SACS: variants seen among roughly 807,000 people sequenced by gnomAD.
SACS encodes the protein sacsin.
In SACS, 197 loss-of-function variants were observed where a neutral mutation model predicts 348.0. That is an observed-to-expected ratio of 0.57 (90% CI 0.50 to 0.64). The LOEUF (loss-of-function observed/expected upper bound fraction) is 0.64. Among genes scored for constraint, SACS ranks in the 30% least tolerant of loss-of-function variants. SACS has a pLI of 0.00. For synonymous variants in SACS, 1,985 were observed against 1,910.6 expected (o/e 1.04, Z -1.02); for missense variants, 4,999 against 5,360.8 (o/e 0.93, Z 2.11).
intron 2 of SACS, among the ~76,000 whole-genome samples, chr13:23,378,537 T>C (rs1871910404): frequency 6.6e-6 from 1 of 152,068 alleles, no homozygotes; most frequent in Non-Finnish European, 1.5e-5. Context: ...GCATCCTGGG[T>C]TCAAGCAATT....
rs1555249276 is a variant in SACS at position 23,330,600 on chromosome 13, G to A, written c.13276C>T (p.Gln4426Ter). Residue 4426 changes from glutamine to a stop codon, truncating the protein, a stop_gained, in exon 10 of 10, where the codon CAG becomes TAG. Coordinates refer to ENST00000382292, the MANE Select transcript of SACS (RefSeq NM_014363.6). LOFTEE classifies it high-confidence loss of function. ...NKEKCPPSAG[Q>*]TYSQRFFVPP... ...ACAAAGAACCTTTGAGAGTAAGTCTGTCCGGCTGAAGGGGGGCATTTTTCT... is the reference window on the plus strand; with the variant it reads ...ACAAAGAACCTTTGAGAGTAAGTCTATCCGGCTGAAGGGGGGCATTTTTCT... 1 of 1,613,980 alleles carries A rather than the reference G, an allele frequency of 6.2e-7. No homozygotes were observed. Among genetic ancestry groups the A allele is most frequent in the South Asian group, 1.1e-5 (1 of 91,060 alleles).
intron 1 of SACS, among the ~76,000 whole-genome samples, chr13:23,424,422 G>C (rs1405051748): frequency 6.6e-6 from 1 of 152,180 alleles, no homozygotes; most frequent in Admixed American, 6.5e-5. Flanking sequence ...CTACTTGGGA[G>C]GCTGAGGCAG....
rs201945147 is a variant in SACS, at chr13:23,330,633, G to T, written c.13243C>A (p.Gln4415Lys). Residue 4415 changes from glutamine (Q) to lysine (K), a missense_variant, in exon 10 of 10, where the codon CAG (glutamine) becomes AAG (lysine). This residue lies in a region of SACS where 254 missense variants were observed against 275.1 expected (regional missense o/e 0.92). Transcript: ENST00000382292. Reference sequence around the variant, plus strand: ...GAAGGGGGGCATTTTTCTTTGTTCTGTTGCTGTCTTTCAGATTTATGGCTC... The same window carrying T: ...GAAGGGGGGCATTTTTCTTTGTTCTTTTGCTGTCTTTCAGATTTATGGCTC... Reference protein sequence around the residue: ...ATSHKSERQQQNKEKCPPSAG... With the variant: ...ATSHKSERQQKNKEKCPPSAG... The T allele has an allele frequency of 6.2e-7, 1 of 1,614,030 alleles. No individual in the cohort carries two copies. Among genetic ancestry groups the T allele is most frequent in the African/African-American group, 1.3e-5 (1 of 75,036 alleles).
intron 9 of SACS, among the ~76,000 whole-genome samples, chr13:23,352,971 G>A (rs1438242262): frequency 3.3e-5 from 5 of 152,118 alleles, no homozygotes; most frequent in Non-Finnish European, 7.4e-5. Flanking sequence ...CAAGAAAAAA[G>A]TACATTCCAT....
chr13:23,341,444 C>T lies in SACS; in HGVS notation c.2432G>A (p.Gly811Asp), dbSNP rs1391868482. The change falls in exon 10 of 10, where the codon GGT becomes GAT. Residue 811 changes from glycine to aspartate, a missense_variant. Physicochemically the swap from Gly to Asp is moderately conservative, Grantham distance 94. Around this residue, in one of 6 missense-constraint regions of SACS, gnomAD observed 3,156 missense variants for 3,380.1 expected, o/e 0.93. Coordinates refer to ENST00000382292, the MANE Select transcript of SACS (RefSeq NM_014363.6). The part of the protein sequence containing the change: ...PLIPRTILEE[G>D]QTCVELIRLR... ...TCTAATGAGTTCCACACATGTCTGACCTTCCTCTAGTATAGTTCTGGGGAT... is the reference window on the plus strand; with the variant it reads ...TCTAATGAGTTCCACACATGTCTGATCTTCCTCTAGTATAGTTCTGGGGAT... 1 of 1,614,030 alleles carries T rather than the reference C, an allele frequency of 6.2e-7. No individual in the cohort carries two copies. Among genetic ancestry groups the T allele is most frequent in the East Asian group, 2.2e-5 (1 of 44,866 alleles).
At chr13:23,363,817 T>C (rs974292464) in intron 6 of SACS, among the ~76,000 whole-genome samples, 2 of 152,296 alleles carry the variant, frequency 1.3e-5, no homozygotes, top group Non-Finnish European at 2.9e-5. Flanking sequence ...AGTAAGTCAG[T>C]GTGAGGGTCA....
intron 5 of SACS, 67 bp downstream of exon 5, chr13:23,368,335 T>C (rs1236316574): frequency 1.7e-6 from 2 of 1,204,032 alleles, no homozygotes; most frequent in Non-Finnish European, 2.4e-6. Context: ...AATAGGACTT[T>C]CAAGTAAATT....
intron 1 of SACS, among the ~76,000 whole-genome samples, chr13:23,420,712 G>A (rs985815455): frequency 6.6e-6 from 1 of 151,984 alleles, no homozygotes; most frequent in Non-Finnish European, 1.5e-5. Context: ...CCCGGTGCCT[G>A]AGGACTTCCT....
intron 7 of SACS, 87 bp from the exon 8 acceptor site, chr13:23,356,094 G>A: frequency 8.4e-7 from 1 of 1,184,892 alleles, no homozygotes; most frequent in Non-Finnish European, 1.2e-6. Flanking sequence ...GAAAAAGCAT[G>A]AGCCATTAAA....
intron 2 of SACS, among the ~76,000 whole-genome samples, chr13:23,392,483 A>G (rs1300267309): frequency 6.6e-6 from 1 of 152,216 alleles, no homozygotes; most frequent in Non-Finnish European, 1.5e-5. Context: ...CAATGCCTCC[A>G]ATGACTAGGC....
intron 9 of SACS, among the ~76,000 whole-genome samples, chr13:23,343,808 G>A (rs1869428305): frequency 6.6e-6 from 1 of 152,116 alleles, no homozygotes; most frequent in Non-Finnish European, 1.5e-5. Flanking sequence ...TTATTTCAGA[G>A]GCCTACGTAT....
Position 23,337,956 on chromosome 13 carries a change from C to A in SACS, c.5920G>T (p.Glu1974Ter). 3 of 1,614,058 alleles carry A rather than the reference C, an allele frequency of 1.9e-6. No homozygotes were observed. The highest frequency in any genetic ancestry group is 2.5e-6 in the Non-Finnish European group (3 of 1,179,974). Residue 1974 changes from glutamate to a stop codon, truncating the protein, a stop_gained, in exon 10 of 10, where the codon GAA becomes TAA. Transcript: ENST00000382292. LOFTEE classifies it high-confidence loss of function. ...CCATCAGAGAAGACTTTGGTCAGTT[C>A]TTTCCCTTTTCCATGAGCTATATCT... The part of the protein sequence containing the change: ...YEDIAHGKGK[E>*]LTKVFSDGST...
chr13:23,335,122 T>C lies in SACS; in HGVS notation c.8754A>G (p.Ile2918Met). 6.2e-7 allele frequency: 1 copy of C among 1,613,946 alleles called. No homozygotes were observed. The highest frequency in any genetic ancestry group is 8.5e-7 in the Non-Finnish European group (1 of 1,179,856). ...TTAGCAATTCAACATATGCAGGAGC[T>C]ATTAATGCTGTCATTAAACTGTTAT... Reference protein sequence around the residue: ...DWNNSLMTALIAPAYVELLIQ... With the variant: ...DWNNSLMTALMAPAYVELLIQ... Residue 2918 changes from isoleucine (I) to methionine (M), a missense_variant, in exon 10 of 10, where the codon ATA (isoleucine) becomes ATG (methionine). This residue lies in a region of SACS where 734 missense variants were observed against 694.0 expected (regional missense o/e 1.06). Coordinates refer to ENST00000382292, the MANE Select transcript of SACS (RefSeq NM_014363.6). The surrounding 1 kb of genome is among the most constrained non-coding windows in gnomAD (Gnocchi z 4.7).
At chr13:23,353,953 C>T (rs1870146554) in intron 8 of SACS, 77 bp from the exon 9 acceptor site, 6 of 890,148 alleles carry the variant, frequency 6.7e-6, no homozygotes, top group Non-Finnish European at 1.1e-5. Flanking sequence ...CACATATTTT[C>T]AAGTCAGTTA....
At chr13:23,427,042 C>T (rs1487699457) in intron 1 of SACS, 1 of 152,184 alleles carries the variant, frequency 6.6e-6, no homozygotes, top group Non-Finnish European at 1.5e-5. Context: ...TCGGTCTTCT[C>T]CTCACCATGG....
chr13:23,433,353 C>A (rs1007700962), intron 1 of SACS, among the ~76,000 whole-genome samples: 2 of 152,156 alleles, frequency 1.3e-5, no homozygotes, highest in Admixed American at 1.3e-4. Flanking sequence ...TCACAAGCAG[C>A]CAACCCAAAC....
intron 2 of SACS, among the ~76,000 whole-genome samples, chr13:23,394,330 C>A (rs1466852928): frequency 1.3e-5 from 2 of 152,154 alleles, no homozygotes; most frequent in African/African-American, 2.4e-5. Flanking sequence ...ACCTGGCCTG[C>A]CATCAGCAAG....
chr13:23,369,344 A>T lies in SACS; in HGVS notation c.260-857T>A, dbSNP rs373053593. Among the ~76,000 whole-genome samples the T allele has an allele frequency of 3.3e-4, 51 of 152,328 alleles. No homozygotes were observed. The East Asian group carries it at 7.7e-3, about 23-fold the overall frequency. On this transcript the variant is annotated intron_variant, in intron 4 of 9. Coordinates refer to ENST00000382292, the MANE Select transcript of SACS (RefSeq NM_014363.6). ...TGACCAGGTCACCTTCAGACAAGTG[A>T]CAGGGCTGTAGGAAGAACAAGAAAA...
chr13:23,393,766 T>A (rs1772552460), intron 2 of SACS, among the ~76,000 whole-genome samples: 1 of 152,128 alleles, frequency 6.6e-6, no homozygotes, highest in Non-Finnish European at 1.5e-5. Flanking sequence ...TTTTATTTTT[T>A]TTTATTTTTT....
Sources: gnomAD v4.1 joint callset for allele counts (sites outside exome capture counted in the v4.1 genomes callset) on GRCh38, gnomAD v4.1.1 for gene constraint, gnomAD v4.1.1 regional missense constraint, Gnocchi (gnomAD v3.1) non-coding constraint, MANE v1.5 for transcripts, NCBI Gene and HGNC (gene_info 2026-07-23, HGNC 2026-07-21) for gene names.